The following FRAS1 variants were observed in gnomAD, a reference collection of about 807,000 sequenced individuals.
FRAS1 encodes the protein Fraser extracellular matrix complex subunit 1, also known as extracellular matrix organizing protein FRAS1.
A neutral mutation model predicts 435.2 loss-of-function variants in FRAS1; 290 were observed. The ratio of observed to expected loss-of-function variants is 0.67; its 90% CI spans 0.61 to 0.73. FRAS1 has a LOEUF of 0.73. FRAS1 is among the 30% of genes least tolerant of loss of function. FRAS1 has a pLI of 0.00. For missense variants in FRAS1, 4,860 were observed against 5,001.5 expected (o/e 0.97, Z 0.85); for synonymous variants, 1,800 against 1,851.0 (o/e 0.97, Z 0.71).
At chr4:78,456,148 T>C (rs4975118) in intron 47 of FRAS1, among the ~76,000 whole-genome samples, 15 of 103,544 alleles carry the variant, frequency 1.4e-4, no homozygotes, top group South Asian at 2.7e-4. Flanking sequence ...CTTTTTTTTT[T>C]TTTTTTTTTT....
At chr4:78,377,820 C>T (rs191259199) in intron 26 of FRAS1, among the ~76,000 whole-genome samples, 4 of 152,258 alleles carry the variant, frequency 2.6e-5, no homozygotes, top group East Asian at 1.9e-4. Flanking sequence ...GTAAAATTCC[C>T]GAGGTCCTAC....
intron 49 of FRAS1, 91 bp downstream of exon 49, chr4:78,464,674 G>T: frequency 7.1e-7 from 1 of 1,416,252 alleles, no homozygotes; most frequent in Non-Finnish European, 9.7e-7. Flanking sequence ...CCTGATGGTA[G>T]GGAGGAGCTG....
At chr4:78,387,264 T>C (rs1186096077) in intron 28 of FRAS1, 111 bp from the exon 29 acceptor site, 2 of 793,532 alleles carry the variant, frequency 2.5e-6, no homozygotes, top group African/African-American at 3.5e-5. Context: ...GGTGCTTTGC[T>C]AGAACACTTA....
At position 78,418,962 on chromosome 4, in the gene FRAS1, G is replaced by A; in HGVS notation, c.4439G>A (p.Gly1480Asp). 6.3e-7 allele frequency: 1 copy of A among 1,599,850 alleles called. No individual in the cohort carries two copies. Among genetic ancestry groups the A allele is most frequent in the Non-Finnish European group, 8.5e-7 (1 of 1,172,446 alleles). The change falls in exon 33 of 74, where the codon GGC becomes GAC. Residue 1480 changes from glycine (G) to aspartate (D), a missense_variant. Coordinates refer to ENST00000512123, the MANE Select transcript of FRAS1 (RefSeq NM_025074.7). ...AACTTTGTTTAGGCTAGAGAAGATG[G>A]CCTGACTGTTATTCAGCCTCATTCC... The part of the protein sequence containing the change: ...ASLHMTARED[G>D]LTVIQPHSLS...
chr4:78,115,924 G>A (rs1315926607), intron 2 of FRAS1, among the ~76,000 whole-genome samples: 1 of 151,976 alleles, frequency 6.6e-6, no homozygotes, highest in Non-Finnish European at 1.5e-5. Context: ...GTGATGTTAG[G>A]TTGTCAATTT....
In FRAS1 at chr4:78,464,464, A is replaced by G; in HGVS notation, c.6910A>G (p.Thr2304Ala). The G allele has an allele frequency of 6.2e-7, 1 of 1,613,748 alleles. No homozygotes were observed. The highest frequency in any genetic ancestry group is 8.5e-7 in the Non-Finnish European group (1 of 1,179,788). ...VSEVTQTFHI[T>A]LHPVDDSLPV... The stretch of plus-strand genomic sequence containing the variant: ...CTAGGTGACTCAGACTTTCCATATC[A>G]CTCTTCACCCTGTCGATGATTCGCT... The change falls in exon 49 of 74, where the codon ACT becomes GCT. Residue 2304 changes from threonine (T) to alanine (A), a missense_variant. Coordinates refer to ENST00000512123, the MANE Select transcript of FRAS1 (RefSeq NM_025074.7).
chr4:78,142,728 TG>T (rs1720245901), intron 2 of FRAS1, among the ~76,000 whole-genome samples: 1 of 152,140 alleles, frequency 6.6e-6, no homozygotes, highest in African/African-American at 2.4e-5. Context: ...GTTCATAATT[TG>T]GGAGGGGGTT....
intron 29 of FRAS1, among the ~76,000 whole-genome samples, chr4:78,399,316 C>T (rs1732792934): frequency 6.6e-6 from 1 of 152,148 alleles, no homozygotes. Flanking sequence ...ATGTTGTTTT[C>T]TTTTCAGAGT....
intron 2 of FRAS1, among the ~76,000 whole-genome samples, chr4:78,158,389 G>A (rs747223761): frequency 2.0e-5 from 3 of 152,024 alleles, no homozygotes; most frequent in African/African-American, 4.8e-5. Context: ...TTTCCTTGTA[G>A]AGATCTTTCA....
intron 2 of FRAS1, among the ~76,000 whole-genome samples, chr4:78,226,944 G>A (rs1249901532): frequency 6.6e-6 from 1 of 152,082 alleles, no homozygotes; most frequent in Non-Finnish European, 1.5e-5. Context: ...TTTAGGTATA[G>A]CCAGTCTGCC....
At chr4:78,503,596 T>G (rs1235691276) in intron 61 of FRAS1, among the ~76,000 whole-genome samples, 1 of 152,246 alleles carries the variant, frequency 6.6e-6, no homozygotes, top group Non-Finnish European at 1.5e-5. Flanking sequence ...TATTTGATTC[T>G]CCTCTCATTT....
In FRAS1 at chr4:78,308,190, C is replaced by T. The variant is rs755442220; in HGVS notation, c.1659C>T (p.Asn553=). The T allele has an allele frequency of 2.5e-6, 4 of 1,613,930 alleles. No individual in the cohort carries two copies. Among genetic ancestry groups the T allele is most frequent in the East Asian group, 2.2e-5 (1 of 44,880 alleles). Residue 553 remains asparagine (N), a synonymous_variant, in exon 15 of 74, where the codon AAC becomes AAT. Transcript: ENST00000512123. Reference sequence around the variant, plus strand: ...GCAGCTGTGGAAAAGGCTTCTACAACAGGCAGGGCACCTGTAGCGGTGAGT... The same window carrying T: ...GCAGCTGTGGAAAAGGCTTCTACAATAGGCAGGGCACCTGTAGCGGTGAGT... ...CESSCGKGFY[N]RQGTCSACDQ...
intron 6 of FRAS1, among the ~76,000 whole-genome samples, chr4:78,256,793 TTGTATCATTAAGTC>T (rs1304910223): frequency 1.3e-5 from 2 of 152,228 alleles, no homozygotes; most frequent in Non-Finnish European, 2.9e-5. Context: ...TTAATCACTG[TTGTATCATTAAGTC>T]TATATTCTTG....
At chr4:78,144,617 G>A (rs1720341085) in intron 2 of FRAS1, among the ~76,000 whole-genome samples, 1 of 151,870 alleles carries the variant, frequency 6.6e-6, no homozygotes, top group Non-Finnish European at 1.5e-5. Flanking sequence ...AATAAGATTT[G>A]CTTGAAAAAA....
intron 7 of FRAS1, among the ~76,000 whole-genome samples, chr4:78,266,355 CAT>C (rs1726355048): frequency 6.6e-6 from 1 of 152,206 alleles, no homozygotes; most frequent in African/African-American, 2.4e-5. Context: ...GATTTTGTTT[CAT>C]GTGGGAGGAG....
chr4:78,421,746 T>C (rs1560717916), intron 33 of FRAS1, 117 bp from the exon 34 acceptor site: 1 of 1,179,948 alleles, frequency 8.5e-7, no homozygotes, highest in Non-Finnish European at 1.2e-6. Context: ...CTGAGAACAG[T>C]CAGTTTCCGA....
At chr4:78,182,327 G>A (rs557808133) in intron 2 of FRAS1, among the ~76,000 whole-genome samples, 51 of 152,194 alleles carry the variant, frequency 3.4e-4, no homozygotes, top group Non-Finnish European at 6.9e-4. Flanking sequence ...CTGGGGGCCT[G>A]GAAGGGGAGC....
chr4:78,365,739 AAAAAAAAAAAAC>A (rs976284399), intron 22 of FRAS1, among the ~76,000 whole-genome samples: 10 of 97,544 alleles, frequency 1.0e-4, no homozygotes, highest in African/African-American at 3.6e-4. Flanking sequence ...TAGTACATTA[AAAAAAAAAAAAC>A]AAAAAAAAAA....
intron 70 of FRAS1, among the ~76,000 whole-genome samples, chr4:78,528,039 G>A (rs1230153843): frequency 2.0e-5 from 3 of 152,098 alleles, no homozygotes; most frequent in African/African-American, 7.2e-5. Context: ...GGAGAATTGG[G>A]ACACTAGGAG....
Sources: allele counts gnomAD v4.1 joint callset (sites outside exome capture counted in the v4.1 genomes callset), GRCh38; gene constraint gnomAD v4.1.1; transcripts MANE v1.5; gene names NCBI Gene and HGNC (gene_info 2026-07-23, HGNC 2026-07-21).